The following ATAD2B variants were observed in gnomAD, a reference collection of about 807,000 sequenced individuals.
The protein encoded by ATAD2B is ATPase family AAA domain containing 2B, also known as ATPase family AAA domain-containing protein 2B.
Under a neutral mutation model 167.6 loss-of-function variants are expected in ATAD2B, and 40 were observed. That is an observed-to-expected ratio of 0.24 (90% confidence interval 0.19 to 0.31). The LOEUF (loss-of-function observed/expected upper bound fraction) is 0.31, where lower values mean the gene tolerates loss of function less well. Ranked by LOEUF, ATAD2B falls within the 10% of genes least tolerant of loss-of-function variation. The pLI is 1.00. For synonymous variants in ATAD2B, 579 were observed against 596.5 expected (o/e 0.97, Z 0.43); for missense variants, 1,242 against 1,757.2 (o/e 0.71, Z 5.24).
intron 1 of ATAD2B, among the ~76,000 whole-genome samples, chr2:23,903,808 G>A (rs1454167096): frequency 1.3e-5 from 2 of 152,092 alleles, no homozygotes; most frequent in Non-Finnish European, 2.9e-5. Flanking sequence ...ACTTGATGAC[G>A]GCCTCATTTA....
the ATAD2B span, among the ~76,000 whole-genome samples, chr2:23,708,876 T>C: frequency 6.6e-6 from 1 of 152,186 alleles, no homozygotes; most frequent in Non-Finnish European, 1.5e-5. Context: ...TTATTACACT[T>C]GTGCAACTGA....
At chr2:23,806,962 C>T (rs953731302) in intron 18 of ATAD2B, among the ~76,000 whole-genome samples, 6 of 152,184 alleles carry the variant, frequency 3.9e-5, no homozygotes, top group African/African-American at 1.2e-4. Context: ...TGTGCTTCTT[C>T]CTCTAAAGCT....
chr2:23,754,942 G>T, intron 25 of ATAD2B, 168 bp from the exon 26 acceptor site: 2 of 602,194 alleles, frequency 3.3e-6, no homozygotes, highest in Non-Finnish European at 5.2e-6. Flanking sequence ...ATTTTTTATT[G>T]GTAAGACTAA....
intron 16 of ATAD2B, among the ~76,000 whole-genome samples, chr2:23,820,522 A>G (rs1215347546): frequency 6.6e-6 from 1 of 152,240 alleles, no homozygotes; most frequent in Non-Finnish European, 1.5e-5. Context: ...CACCTGAAGT[A>G]TGAACAGCTG....
At chr2:23,761,980 G>A (rs1287920867) in intron 24 of ATAD2B, among the ~76,000 whole-genome samples, 1 of 152,132 alleles carries the variant, frequency 6.6e-6, no homozygotes, top group Non-Finnish European at 1.5e-5. Context: ...TTCAAGCCTA[G>A]TTCAATTGTC....
intron 6 of ATAD2B, among the ~76,000 whole-genome samples, chr2:23,882,213 A>G (rs1299571964): frequency 1.3e-5 from 2 of 150,226 alleles, no homozygotes; most frequent in Non-Finnish European, 3.0e-5. Context: ...TTTTATTTTT[A>G]TTTTTTTTGA....
intron 19 of ATAD2B, among the ~76,000 whole-genome samples, chr2:23,794,717 G>A (rs907273639): frequency 6.6e-6 from 1 of 151,660 alleles, no homozygotes; most frequent in Non-Finnish European, 1.5e-5. Context: ...TAAATATACT[G>A]TTTTGCTATA....
chr2:23,742,092 T>G, the ATAD2B span, among the ~76,000 whole-genome samples: 1 of 152,146 alleles, frequency 6.6e-6, no homozygotes, highest in African/African-American at 2.4e-5. Context: ...AGGAACACTT[T>G]TACACTGTTG....
chr2:23,813,205 T>C (rs1558580868), intron 17 of ATAD2B, among the ~76,000 whole-genome samples: 1 of 151,752 alleles, frequency 6.6e-6, no homozygotes, highest in Non-Finnish European at 1.5e-5. Context: ...AAATGATTAA[T>C]TGTAATCACT....
intron 2 of ATAD2B, among the ~76,000 whole-genome samples, chr2:23,891,901 T>C (rs769183958): frequency 1.3e-5 from 2 of 152,226 alleles, no homozygotes; most frequent in South Asian, 4.1e-4. Flanking sequence ...GCACACGCTA[T>C]TGCAATATCA....
intron 19 of ATAD2B, among the ~76,000 whole-genome samples, chr2:23,792,067 C>CTTT (rs140695924): frequency 6.9e-6 from 1 of 145,384 alleles, no homozygotes; most frequent in Non-Finnish European, 1.5e-5. Context: ...TAACAGCCAT[C>CTTT]TTTTTTTTTT....
At chr2:23,882,502 T>TAAAAA (rs770725105) in intron 6 of ATAD2B, among the ~76,000 whole-genome samples, 1 of 92,234 alleles carries the variant, frequency 1.1e-5, no homozygotes, top group Non-Finnish European at 2.1e-5. Flanking sequence ...AGCCTCTATT[T>TAAAAA]AAAAAAAAAA....
the ATAD2B span, among the ~76,000 whole-genome samples, chr2:23,724,771 C>A: frequency 6.6e-6 from 1 of 152,068 alleles, no homozygotes; most frequent in Non-Finnish European, 1.5e-5. Context: ...AGGCTGGGCA[C>A]GGTGGCTCAC....
At chr2:23,893,765 G>C (rs1699844227) in intron 2 of ATAD2B, among the ~76,000 whole-genome samples, 1 of 150,888 alleles carries the variant, frequency 6.6e-6, no homozygotes, top group Non-Finnish European at 1.5e-5. Context: ...AAACTGCTAG[G>C]ATCATGGCAT....
chr2:23,837,261 C>A (rs572849728), intron 13 of ATAD2B, among the ~76,000 whole-genome samples: 2 of 152,330 alleles, frequency 1.3e-5, no homozygotes, highest in East Asian at 3.9e-4. Flanking sequence ...GCTCCAAGAT[C>A]GGAGCAGGCG....
intron 1 of ATAD2B, among the ~76,000 whole-genome samples, chr2:23,922,559 A>G (rs72851390): frequency 0.023 from 3,509 of 152,140 alleles, 133 homozygotes; most frequent in African/African-American, 0.079. Flanking sequence ...TGCAAACCAT[A>G]TATCTGATAA....
chr2:23,926,872 G>A lies in ATAD2B; in HGVS notation c.-102C>T, dbSNP rs1016202785. On this transcript the variant is annotated 5_prime_UTR_variant, in exon 1 of 28. Coordinates refer to ENST00000238789, the MANE Select transcript of ATAD2B (RefSeq NM_017552.4). ...GGCCAGCGGAGCCGAGCCGGGCAAT[G>A]AGAGACGAGCCGGCCCGGAGCGTGC... The A allele has an allele frequency of 2.9e-6, 4 of 1,367,338 alleles. No homozygotes were observed. The African/African-American group carries it at 4.6e-5, about 16-fold the overall frequency. 84.7% of individuals were successfully genotyped at this position (1,367,338 alleles called of 1,614,324 possible). A position where few individuals can be genotyped will look rare whatever the true frequency, so the allele number is the denominator to read the frequency against.
intron 23 of ATAD2B, among the ~76,000 whole-genome samples, chr2:23,762,794 G>C (rs1676913831): frequency 6.6e-6 from 1 of 152,110 alleles, no homozygotes; most frequent in African/African-American, 2.4e-5. Flanking sequence ...TGGTTGTCCT[G>C]CATTATATTC....
Position 23,774,933 on chromosome 2 carries a change from TAATA to T in ATAD2B, c.3133+7932_3133+7935del, listed in dbSNP as rs146195048. ...ATAAGTAAATAAAATAAAAATAGAA[TAATA>T]AATAAAATTTACTCATCGGCCACAT... On this transcript the variant is annotated intron_variant, in intron 22 of 27. Transcript: ENST00000238789. 6.6e-3 allele frequency among the ~76,000 whole-genome samples: 1,004 copies of T among 152,168 alleles called. 6 individuals are homozygous for T. The highest frequency in any genetic ancestry group is 0.019 in the African/African-American group (786 of 41,534).
Sources: allele counts gnomAD v4.1 joint callset (sites outside exome capture counted in the v4.1 genomes callset), GRCh38; gene constraint gnomAD v4.1.1; transcripts MANE v1.5; gene names NCBI Gene and HGNC (gene_info 2026-07-23, HGNC 2026-07-21).